The following COL5A3 variants were observed in gnomAD, a reference collection of about 807,000 sequenced individuals.
COL5A3 encodes the protein collagen type V alpha 3 chain.
A neutral mutation model predicts 250.0 loss-of-function variants in COL5A3; 172 were observed. The observed-to-expected ratio is 0.69, with a 90% CI of 0.61 to 0.78. The LOEUF (loss-of-function observed/expected upper bound fraction) is 0.78. COL5A3 is among the 30% of genes least tolerant of loss of function. COL5A3 has a pLI of 0.00. For synonymous variants in COL5A3, 937 were observed against 900.4 expected (o/e 1.04, Z -0.73); for missense variants, 2,340 against 2,334.4 (o/e 1.00, Z -0.05).
intron 16 of COL5A3, 119 bp downstream of exon 16, chr19:9,995,445 G>T: frequency 2.5e-6 from 2 of 814,434 alleles, no homozygotes; most frequent in Non-Finnish European, 3.7e-6. Flanking sequence ...GCCATTCCCT[G>T]CCTTCAGCAC....
intron 27 of COL5A3, among the ~76,000 whole-genome samples, chr19:9,988,851 A>AAAAAAAAAAGAGAGAGAGAG (rs2087142509): frequency 1.5e-5 from 1 of 67,254 alleles, no homozygotes; most frequent in African/African-American, 1.1e-4. Flanking sequence ...AAAAAAAAAA[A>AAAAAAAAAAGAGAGAGAGAG]AAAAAAAGAA....
rs1230962559 is a variant in COL5A3 at position 9,969,680 on chromosome 19, C to T, written c.3993G>A (p.Gly1331=). The T allele has an allele frequency of 6.3e-7, 1 of 1,587,488 alleles. No individual in the cohort carries two copies. Among genetic ancestry groups the T allele is most frequent in the Non-Finnish European group, 8.5e-7 (1 of 1,172,644 alleles). The part of the protein sequence containing the change: ...EGREGEKGAK[G]EPGPDGPPGR... Reference sequence around the variant, plus strand: ...CTGGGGGCCCATCAGGACCTGGCTCCCCCTGAAATGGACACAGGCAAGGGA... The same window carrying T: ...CTGGGGGCCCATCAGGACCTGGCTCTCCCTGAAATGGACACAGGCAAGGGA... The change falls in exon 56 of 67, where the codon GGG becomes GGA. Residue 1331 remains glycine (G), a splice_region_variant and synonymous_variant. Transcript: ENST00000264828.
At position 10,001,671 on chromosome 19, in the gene COL5A3, C is replaced by A; in HGVS notation, c.964-1G>T. 6.2e-7 allele frequency: 1 copy of A among 1,613,998 alleles called. No individual in the cohort carries two copies. Among genetic ancestry groups the A allele is most frequent in the Non-Finnish European group, 8.5e-7 (1 of 1,179,986 alleles). On this transcript the variant is annotated splice_acceptor_variant, in intron 7 of 66. Transcript: ENST00000264828. LOFTEE classifies it high-confidence loss of function. ...TTCCACTGTCAGGGTCCAAGCTCCTCTGAGAACGTTAGGAAAGACCAAAGT... is the reference window on the plus strand; with the variant it reads ...TTCCACTGTCAGGGTCCAAGCTCCTATGAGAACGTTAGGAAAGACCAAAGT...
chr19:9,980,506 C>T (rs1274177412), intron 35 of COL5A3, 142 bp downstream of exon 35: 32 of 1,206,180 alleles, frequency 2.7e-5, no homozygotes, highest in South Asian at 2.9e-5. Context: ...GGACTACAGG[C>T]GTGCACCACC....
In COL5A3 at chr19:10,003,717, G is replaced by A. The variant is rs536011022; in HGVS notation, c.700-3C>T. ...GTTTCTGGTTCACCCTGGGGAGCCT[G>A]GGAGAAGGGTTCCAGTCAGGTCTAG... On this transcript the variant is annotated splice_region_variant and splice_polypyrimidine_tract_variant and intron_variant, in intron 5 of 66. Transcript: ENST00000264828. 1.2e-6 allele frequency: 2 copies of A among 1,613,984 alleles called. No homozygotes were observed. The highest frequency in any genetic ancestry group is 1.1e-5 in the South Asian group (1 of 91,066).
At position 9,987,844 on chromosome 19, in the gene COL5A3, G is replaced by A. The variant is rs576541328; in HGVS notation, c.2146-1086C>T. Among the ~76,000 whole-genome samples, 492 of 151,804 alleles carry A rather than the reference G, an allele frequency of 3.2e-3. 2 individuals carry two copies. The highest frequency in any genetic ancestry group is 0.011 in the African/African-American group (465 of 41,378). On this transcript the variant is annotated intron_variant, in intron 27 of 66. Transcript: ENST00000264828. Reference sequence around the variant, plus strand: ...TAGCTATTCAGGAGGCTAAAGTGAGGGGATTACTTGAGCACGGGAGTTCAA... The same window carrying A: ...TAGCTATTCAGGAGGCTAAAGTGAGAGGATTACTTGAGCACGGGAGTTCAA...
rs186342472 is a variant in COL5A3 at position 9,979,247 on chromosome 19, G to T, written c.2767-8C>A. Reference sequence around the variant, plus strand: ...CACTTCTCCTGTCTTTCCCTGGTGAGGAAGAAGGCTCCTGTTGAGTGGGGG... The same window carrying T: ...CACTTCTCCTGTCTTTCCCTGGTGATGAAGAAGGCTCCTGTTGAGTGGGGG... On this transcript the variant is annotated splice_region_variant and splice_polypyrimidine_tract_variant and intron_variant, in intron 38 of 66. Coordinates refer to ENST00000264828, the MANE Select transcript of COL5A3 (RefSeq NM_015719.4). 6 of 1,606,286 alleles carry T rather than the reference G, an allele frequency of 3.7e-6. No homozygotes were observed. In the African/African-American group the frequency reaches 6.7e-5, roughly 18 times the overall value.
Position 10,005,924 on chromosome 19 carries a change from C to A in COL5A3, c.309G>T (p.Gln103His), listed in dbSNP as rs1298190389. ...LITLRGQPAN[Q>H]SVLLSIYDER... ...CATCATAAATGGACAGCAGGACAGACTGATTGGCTGGCTGTCCCCGCAAGG... is the reference window on the plus strand; with the variant it reads ...CATCATAAATGGACAGCAGGACAGAATGATTGGCTGGCTGTCCCCGCAAGG... The change falls in exon 3 of 67, where the codon CAG becomes CAT. Residue 103 changes from glutamine (Q) to histidine (H), a missense_variant. Gln to His is a conservative substitution (Grantham distance 24, BLOSUM62 0). Coordinates refer to ENST00000264828, the MANE Select transcript of COL5A3 (RefSeq NM_015719.4). 4 of 1,614,004 alleles carry A rather than the reference C, an allele frequency of 2.5e-6. No individual in the cohort carries two copies.
chr19:10,001,788 G>T lies in COL5A3; in HGVS notation c.943C>A (p.Leu315Ile), dbSNP rs2087366690. The T allele has an allele frequency of 6.2e-7, 1 of 1,613,980 alleles. No individual in the cohort carries two copies. The highest frequency in any genetic ancestry group is 1.7e-5 in the Admixed American group (1 of 60,006). ...CCAACCTCTAGGATCGTGGCATTGA[G>T]TCCAGTAGTCACAGTGGAGGTGACG... is the stretch of plus-strand genomic sequence containing the variant. ...LVVTSTVTTGLNATILERSLD... is the reference protein window; with the variant it reads ...LVVTSTVTTGINATILERSLD... The change falls in exon 7 of 67, where the codon CTC (leucine) becomes ATC (isoleucine). Residue 315 changes from leucine to isoleucine, a missense_variant. This residue lies in a region of COL5A3 where 1,152 missense variants were observed against 1,146.3 expected (regional missense o/e 1.00). Coordinates refer to ENST00000264828, the MANE Select transcript of COL5A3 (RefSeq NM_015719.4).
At chr19:9,976,688 C>A in intron 44 of COL5A3, 77 bp from the exon 45 acceptor site, 1 of 1,059,466 alleles carries the variant, frequency 9.4e-7, no homozygotes, top group Non-Finnish European at 1.4e-6. Flanking sequence ...TCAATCACTG[C>A]CTCCCACACC....
intron 4 of COL5A3, among the ~76,000 whole-genome samples, chr19:10,005,346 T>A (rs998143082): frequency 2.8e-5 from 4 of 144,412 alleles, no homozygotes; most frequent in Non-Finnish European, 6.0e-5. Flanking sequence ...CAAGGCTCCA[T>A]CTCAAAAAAA....
chr19:9,982,143 G>T (rs2087020707), intron 31 of COL5A3, 25 bp from the exon 32 acceptor site: 2 of 1,553,752 alleles, frequency 1.3e-6, no homozygotes, highest in Middle Eastern at 1.7e-4. Context: ...TTAGAAAGAA[G>T]ACATGAGGGT....
intron 42 of COL5A3, 52 bp from the exon 43 acceptor site, chr19:9,977,524 G>A (rs538879736): frequency 1.3e-6 from 2 of 1,505,134 alleles, no homozygotes; most frequent in African/African-American, 2.8e-5. Context: ...TCCTGCAGGA[G>A]CCATGTCCTG....
intron 8 of COL5A3, among the ~76,000 whole-genome samples, chr19:10,000,452 CTTTTTTTTTTTTTT>C (rs576119335): frequency 4.8e-5 from 3 of 62,798 alleles, no homozygotes; most frequent in East Asian, 4.3e-4. Context: ...CCAGAGAGCT[CTTTTTTTTTTTTTT>C]TTTTTTTTTT....
chr19:9,989,398 C>T (rs754152685), intron 25 of COL5A3, 32 bp from the exon 26 acceptor site: 6 of 1,614,070 alleles, frequency 3.7e-6, no homozygotes. Flanking sequence ...TTGTCAGAGA[C>T]CAAAACTTGC....
intron 4 of COL5A3, among the ~76,000 whole-genome samples, 157 bp downstream of exon 4, chr19:10,005,401 G>A (rs2087427293): frequency 1.3e-5 from 2 of 151,590 alleles, no homozygotes; most frequent in South Asian, 2.1e-4. Context: ...ACAATCACAG[G>A]CTGCAACGGT....
At chr19:9,993,108 C>T (rs2087218061) in intron 19 of COL5A3, 41 bp from the exon 20 acceptor site, 1 of 1,605,512 alleles carries the variant, frequency 6.2e-7, no homozygotes, top group Non-Finnish European at 8.5e-7. Flanking sequence ...GAAGGTACAA[C>T]CCTCGGAGAG....
Position 9,977,403 on chromosome 19 carries a change from GGGGT to G in COL5A3, c.3192_3195del (p.Pro1065LeufsTer78). ...TCGCCAGAAGGCCCAGCAGCTCCAG[GGGGT>G]CCCAGAGGCCCCAGGGGCCCTGGGA... is the stretch of plus-strand genomic sequence containing the variant. On this transcript the variant is annotated frameshift_variant, in exon 43 of 67. Coordinates refer to ENST00000264828, the MANE Select transcript of COL5A3 (RefSeq NM_015719.4). LOFTEE classifies it high-confidence loss of function. The G allele has an allele frequency of 6.4e-7, 1 of 1,555,030 alleles. No individual in the cohort carries two copies. The highest frequency in any genetic ancestry group is 8.7e-7 in the Non-Finnish European group (1 of 1,150,156).
chr19:9,970,406 G>GGGGTGAGTGGGGTCTGT (rs2086822672), intron 54 of COL5A3, among the ~76,000 whole-genome samples: 8 of 70,888 alleles, frequency 1.1e-4, no homozygotes, highest in African/African-American at 5.2e-4. Context: ...TGGGGTCTGT[G>GGGGTGAGTGGGGTCTGT]GGGTGAGTGG....
Sources: allele counts gnomAD v4.1 joint callset (sites outside exome capture counted in the v4.1 genomes callset), GRCh38; gene constraint gnomAD v4.1.1; regional missense constraint gnomAD v4.1.1; transcripts MANE v1.5; gene names NCBI Gene and HGNC (gene_info 2026-07-23, HGNC 2026-07-21).